ALG10: variants seen among roughly 807,000 people sequenced by gnomAD.
ALG10 encodes ALG10 alpha-1,2-glucosyltransferase, also known as dol-P-Glc:Glc(2)Man(9)GlcNAc(2)-PP-Dol alpha-1,2-glucosyltransferase A.
ALG10 carries 25 observed loss-of-function variants against 39.2 expected under a neutral mutation model. The observed-to-expected ratio is 0.64, with a 90% CI of 0.46 to 0.89. The LOEUF (loss-of-function observed/expected upper bound fraction) is 0.89, where lower values mean the gene tolerates loss of function less well. Among genes scored for constraint, ALG10 ranks in the 40% least tolerant of loss-of-function variants. ALG10 has a pLI of 0.00. For synonymous variants in ALG10, 184 were observed against 193.9 expected, an observed-to-expected ratio of 0.95 and a Z score of 0.42; for missense variants, 486 against 546.6, an observed-to-expected ratio of 0.89 and a Z score of 1.11.
chr12:34,027,514 T>C lies in ALG10; in HGVS notation c.*599T>C, dbSNP rs1942847691. The C allele has an allele frequency of 6.6e-6, 1 of 152,600 alleles. No individual in the cohort carries two copies. Among genetic ancestry groups the C allele is most frequent in the African/African-American group, 2.4e-5 (1 of 41,450 alleles). The allele number at this position is 152,600 out of a possible 1,614,324, so 9.5% of individuals were successfully genotyped here. A position where few individuals can be genotyped will look rare whatever the true frequency, so the allele number is the denominator to read the frequency against. On this transcript the variant is annotated 3_prime_UTR_variant, in exon 3 of 3. Transcript: ENST00000266483. ...AGACTCATATATGCCTGTCTAGACA[T>C]CAAATTGTTGGTTATTGTTTACAAT...
chr12:34,026,099 A>G lies in ALG10; in HGVS notation c.606A>G (p.Ala202=). 1 of 1,614,116 alleles carries G rather than the reference A, an allele frequency of 6.2e-7. No homozygotes were observed. Among genetic ancestry groups the G allele is most frequent in the Non-Finnish European group, 8.5e-7 (1 of 1,179,968 alleles). The change falls in exon 3 of 3, where the codon GCA becomes GCG. Residue 202 remains alanine (A), a synonymous_variant. Coordinates refer to ENST00000266483, the MANE Select transcript of ALG10 (RefSeq NM_032834.4). ...WAVFCAGNVI[A]QKLTEAWKTE... ...TCTTCTGTGCAGGAAATGTCATTGC[A>G]CAAAAGTTAACGGAGGCTTGGAAAA...
At position 34,028,260 on chromosome 12, in the gene ALG10, A is replaced by G. The variant is rs1942857598; in HGVS notation, c.*1345A>G. ...CAAAGTGGCATTATGATTTTTGAATATAATGTGGGATTAAATAAAGCTAAT... is the reference window on the plus strand; with the variant it reads ...CAAAGTGGCATTATGATTTTTGAATGTAATGTGGGATTAAATAAAGCTAAT... On this transcript the variant is annotated 3_prime_UTR_variant, in exon 3 of 3. Transcript: ENST00000266483. The G allele has an allele frequency of 6.6e-6, 1 of 152,158 alleles. No individual in the cohort carries two copies. The highest frequency in any genetic ancestry group is 2.4e-5 in the African/African-American group (1 of 41,424). 9.4% of individuals were successfully genotyped at this position (152,158 alleles called of 1,614,324 possible). A position where few individuals can be genotyped will look rare whatever the true frequency, so the allele number is the denominator to read the frequency against.
upstream of ALG10, chr12:34,022,475 G>A: frequency 6.7e-7 from 1 of 1,487,046 alleles, no homozygotes; most frequent in Admixed American, 1.7e-5. Flanking sequence ...TTTGCCTTCC[G>A]GTATGTGGCC....
intron 1 of ALG10, 139 bp downstream of exon 1, chr12:34,022,909 T>C: frequency 3.4e-6 from 4 of 1,164,430 alleles, no homozygotes; most frequent in Non-Finnish European, 1.2e-6. Context: ...GTATAGTCTT[T>C]TGTTCCTGTC....
At position 34,026,366 on chromosome 12, in the gene ALG10, A is replaced by C. The variant is rs1942832940; in HGVS notation, c.873A>C (p.Leu291=). The C allele has an allele frequency of 1.9e-6, 3 of 1,613,736 alleles. No individual in the cohort carries two copies. The highest frequency in any genetic ancestry group is 1.7e-6 in the Non-Finnish European group (2 of 1,179,920). ...AAGCCTGTCTTCATTTTCCTCAACT[A>C]TTCTACTTTTTTTCATTTACTCTCT... The part of the protein sequence containing the change: ...SHEACLHFPQ[L]FYFFSFTLFF... The change falls in exon 3 of 3, where the codon CTA becomes CTC. Residue 291 remains leucine (L), a synonymous_variant. Coordinates refer to ENST00000266483, the MANE Select transcript of ALG10 (RefSeq NM_032834.4).
chr12:34,023,995 T>C lies in ALG10; in HGVS notation c.205T>C (p.Tyr69His), dbSNP rs1942805866. The change falls in exon 2 of 3, where the codon TAC (tyrosine) becomes CAC (histidine). Residue 69 changes from tyrosine (Y) to histidine (H), a missense_variant. By Grantham distance (83) the Tyr-to-His change is moderately conservative. Transcript: ENST00000266483. ...CATGATTACTACATTACCTGGCTTG[T>C]ACCTGGTGTCAATTGGAGTGATCAA... The part of the protein sequence containing the change: ...DPMITTLPGL[Y>H]LVSIGVIKPA... 1 of 1,614,172 alleles carries C rather than the reference T, an allele frequency of 6.2e-7. No homozygotes were observed. The highest frequency in any genetic ancestry group is 2.2e-5 in the East Asian group (1 of 44,864).
At position 34,022,594 on chromosome 12, in the gene ALG10, G is replaced by A; in HGVS notation, c.-6G>A. 1 of 1,614,100 alleles carries A rather than the reference G, an allele frequency of 6.2e-7. No homozygotes were observed. The highest frequency in any genetic ancestry group is 8.5e-7 in the Non-Finnish European group (1 of 1,179,988). ...AGGTTCTTGGGCAGTGGCTGTGGGA[G>A]CTGGAATGGCGCAGCTGGAAGGTTA... is the stretch of plus-strand genomic sequence containing the variant. On this transcript the variant is annotated 5_prime_UTR_variant, in exon 1 of 3. Coordinates refer to ENST00000266483, the MANE Select transcript of ALG10 (RefSeq NM_032834.4).
intron 2 of ALG10, among the ~76,000 whole-genome samples, 185 bp from the exon 3 acceptor site, chr12:34,025,678 G>A (rs1350178155): frequency 2.0e-5 from 3 of 152,142 alleles, no homozygotes; most frequent in Non-Finnish European, 4.4e-5. Flanking sequence ...AAAAGTACCA[G>A]GAAGTGTTCT....
chr12:34,023,800 G>A, intron 1 of ALG10, 162 bp from the exon 2 acceptor site: 2 of 992,412 alleles, frequency 2.0e-6, no homozygotes, highest in East Asian at 5.1e-5. Context: ...CAAAAAATAA[G>A]AAAAACGAAT....
chr12:34,025,681 A>G (rs1029968798), intron 2 of ALG10, among the ~76,000 whole-genome samples, 182 bp from the exon 3 acceptor site: 1 of 152,196 alleles, frequency 6.6e-6, no homozygotes, highest in Admixed American at 6.5e-5. Context: ...AGTACCAGGA[A>G]GTGTTCTTAT....
intron 1 of ALG10, chr12:34,023,115 C>G (rs1461851750): frequency 4.0e-6 from 1 of 252,914 alleles, no homozygotes; most frequent in African/African-American, 2.2e-5. Context: ...AGAAAACTTT[C>G]CTTTAGCTCA....
Position 34,022,729 on chromosome 12 carries a change from C to A in ALG10, c.130C>A (p.Gln44Lys). 6.2e-7 allele frequency: 1 copy of A among 1,614,180 alleles called. No individual in the cohort carries two copies. The highest frequency in any genetic ancestry group is 8.5e-7 in the Non-Finnish European group (1 of 1,180,032). The change falls in exon 1 of 3, where the codon CAG (glutamine) becomes AAG (lysine). Residue 44 changes from glutamine to lysine, a missense_variant. Transcript: ENST00000266483. ...CATGGACGAGATCTTCCACCTGCCT[C>A]AGGCGCAGCGCTACTGTGAGGGCCA... ...PYMDEIFHLP[Q>K]AQRYCEGHFS...
In ALG10 at chr12:34,022,860, G is replaced by A. The variant is rs184136900; in HGVS notation, c.171+90G>A. The A allele has an allele frequency of 8.9e-3, 14,003 of 1,566,632 alleles. 82 individuals are homozygous for A. Among genetic ancestry groups the A allele is most frequent in the Non-Finnish European group, 0.01 (11,581 of 1,148,716 alleles). On this transcript the variant is annotated intron_variant, in intron 1 of 2. Coordinates refer to ENST00000266483, the MANE Select transcript of ALG10 (RefSeq NM_032834.4). ...CCCATCCTTAGACTTCACTCGTCCT[G>A]TTCCACCCCCTCAAGCCTCAGAACA... is the stretch of plus-strand genomic sequence containing the variant.
rs878867035 is a variant in ALG10 at position 34,027,845 on chromosome 12, A to C, written c.*930A>C. On this transcript the variant is annotated 3_prime_UTR_variant, in exon 3 of 3. Transcript: ENST00000266483. ...TTCCTAATATCTTGTGGCTGTGTGC[A>C]ATTCTTGGAGTTCTTTGGCTTCTGG... 6.6e-6 allele frequency: 1 copy of C among 152,176 alleles called. No individual in the cohort carries two copies. 9.4% of individuals were successfully genotyped at this position (152,176 alleles called of 1,614,324 possible). A position where few individuals can be genotyped will look rare whatever the true frequency, so the allele number is the denominator to read the frequency against.
chr12:34,026,479 T>G lies in ALG10; in HGVS notation c.986T>G (p.Val329Gly). The G allele has an allele frequency of 6.2e-7, 1 of 1,614,032 alleles. No homozygotes were observed. Among genetic ancestry groups the G allele is most frequent in the Non-Finnish European group, 8.5e-7 (1 of 1,179,960 alleles). ...VWKRRILFFV[V>G]TLVSVFLVWK... ...AAACGTAGAATTCTGTTTTTTGTGG[T>G]TACCTTAGTCTCTGTGTTTTTAGTT... Residue 329 changes from valine (V) to glycine (G), a missense_variant, in exon 3 of 3, where the codon GTT becomes GGT. By Grantham distance (109) the Val-to-Gly change is moderately radical. Coordinates refer to ENST00000266483, the MANE Select transcript of ALG10 (RefSeq NM_032834.4).
chr12:34,025,718 C>A, intron 2 of ALG10, 145 bp from the exon 3 acceptor site: 1 of 1,071,734 alleles, frequency 9.3e-7, no homozygotes, highest in Non-Finnish European at 1.3e-6. Context: ...TTTGCAAAGC[C>A]AGAGATAAGA....
chr12:34,022,762 C>A lies in ALG10; in HGVS notation c.163C>A (p.Leu55Ile), dbSNP rs1228361538. The change falls in exon 1 of 3, where the codon CTT becomes ATT. Residue 55 changes from leucine (L) to isoleucine (I), a missense_variant. Transcript: ENST00000266483. Reference sequence around the variant, plus strand: ...GCGCTACTGTGAGGGCCATTTCTCCCTTTCCCAGGTGGGGTCCCCAACCTG... The same window carrying A: ...GCGCTACTGTGAGGGCCATTTCTCCATTTCCCAGGTGGGGTCCCCAACCTG... ...AQRYCEGHFSLSQWDPMITTL... is the reference protein window; with the variant it reads ...AQRYCEGHFSISQWDPMITTL... 2 of 1,614,174 alleles carry A rather than the reference C, an allele frequency of 1.2e-6. No individual in the cohort carries two copies. The highest frequency in any genetic ancestry group is 1.7e-6 in the Non-Finnish European group (2 of 1,180,024).
At position 34,026,349 on chromosome 12, in the gene ALG10, C is replaced by T; in HGVS notation, c.856C>T (p.Leu286Phe). ...IGDRSSHEAC[L>F]HFPQLFYFFS... ...CGATCGGAGTAGTCATGAAGCCTGT[C>T]TTCATTTTCCTCAACTATTCTACTT... Residue 286 changes from leucine (L) to phenylalanine (F), a missense_variant, in exon 3 of 3, where the codon CTT (leucine) becomes TTT (phenylalanine). Coordinates refer to ENST00000266483, the MANE Select transcript of ALG10 (RefSeq NM_032834.4). 5 of 1,613,936 alleles carry T rather than the reference C, an allele frequency of 3.1e-6. No individual in the cohort carries two copies. The highest frequency in any genetic ancestry group is 3.4e-6 in the Non-Finnish European group (4 of 1,179,898).
chr12:34,022,815 T>G, intron 1 of ALG10, 45 bp downstream of exon 1: 1 of 1,612,182 alleles, frequency 6.2e-7, no homozygotes, highest in Non-Finnish European at 8.5e-7. Flanking sequence ...GCCTGAGAGG[T>G]CCCAGCGTCC....
Sources: allele counts gnomAD v4.1 joint callset (sites outside exome capture counted in the v4.1 genomes callset), GRCh38; gene constraint gnomAD v4.1.1; transcripts MANE v1.5; gene names NCBI Gene and HGNC (gene_info 2026-07-23, HGNC 2026-07-21).